Variants in ITGBL1 observed in about 807,000 individuals in gnomAD.
ITGBL1 encodes the protein integrin beta-like protein 1.
ITGBL1 carries 51 observed loss-of-function variants against 68.5 expected under a neutral mutation model. The observed-to-expected ratio is 0.74, with a 90% CI of 0.59 to 0.94. The LOEUF (loss-of-function observed/expected upper bound fraction) is 0.94. ITGBL1 is among the 40% of genes least tolerant of loss of function. The pLI is 0.00. For synonymous variants in ITGBL1, 209 were observed against 227.3 expected, an observed-to-expected ratio of 0.92 and a Z score of 0.72; for missense variants, 649 against 647.4, an observed-to-expected ratio of 1.00 and a Z score of -0.03.
chr13:101,641,831 C>T (rs868352469), intron 7 of ITGBL1, among the ~76,000 whole-genome samples: 124 of 148,346 alleles, frequency 8.4e-4, no homozygotes, highest in East Asian at 4.7e-3. Context: ...TTTGTTCTTG[C>T]GATAGTTTAC....
chr13:101,534,201 G>A (rs951510273), intron 2 of ITGBL1, among the ~76,000 whole-genome samples: 2 of 152,122 alleles, frequency 1.3e-5, no homozygotes, highest in African/African-American at 4.8e-5. Flanking sequence ...CAAAAGTTTG[G>A]AAGGGGAGAA....
chr13:101,473,120 A>G lies in ITGBL1; in HGVS notation c.316+19020A>G, dbSNP rs565581811. On this transcript the variant is annotated intron_variant, in intron 2 of 10. Coordinates refer to ENST00000376180, the MANE Select transcript of ITGBL1 (RefSeq NM_004791.3). ...CAAGATAGCCAACTAGAACCCTCCA[A>G]TGATCATCCACCCCACAGAAACACC... 3.5e-4 allele frequency among the ~76,000 whole-genome samples: 53 copies of G among 152,294 alleles called. No homozygotes were observed. The South Asian group carries it at 0.011, about 31-fold the overall frequency.
intron 7 of ITGBL1, among the ~76,000 whole-genome samples, chr13:101,619,609 G>A (rs1253206167): frequency 6.6e-6 from 1 of 152,142 alleles, no homozygotes; most frequent in Non-Finnish European, 1.5e-5. Context: ...CAATAAATGT[G>A]TATTGTTTTT....
At chr13:101,598,827 G>A (rs1042691385) in intron 7 of ITGBL1, among the ~76,000 whole-genome samples, 5 of 152,114 alleles carry the variant, frequency 3.3e-5, no homozygotes, top group Non-Finnish European at 5.9e-5. Context: ...CCTTAATCCA[G>A]TCTATCATTG....
chr13:101,696,799 T>G (rs898961946), intron 8 of ITGBL1, among the ~76,000 whole-genome samples: 5 of 152,194 alleles, frequency 3.3e-5, no homozygotes, highest in African/African-American at 1.2e-4. Context: ...CTCAATATTT[T>G]TATTTGAATA....
At chr13:101,660,465 A>G (rs1285186329) in intron 7 of ITGBL1, among the ~76,000 whole-genome samples, 2 of 152,196 alleles carry the variant, frequency 1.3e-5, no homozygotes, top group Non-Finnish European at 1.5e-5. Context: ...CTCAGGTTCT[A>G]CAATAGCAAT....
At chr13:101,550,658 T>C (rs141820412) in intron 2 of ITGBL1, among the ~76,000 whole-genome samples, 200 of 152,272 alleles carry the variant, frequency 1.3e-3, no homozygotes, top group African/African-American at 4.4e-3. Context: ...CTCCAAGATA[T>C]ATTGTAGGTG....
chr13:101,650,913 G>C (rs1008073410), intron 7 of ITGBL1, among the ~76,000 whole-genome samples: 18 of 152,088 alleles, frequency 1.2e-4, no homozygotes, highest in African/African-American at 3.6e-4. Flanking sequence ...TTGGTTTTCT[G>C]TTCCTGTGGT....
intron 2 of ITGBL1, among the ~76,000 whole-genome samples, chr13:101,563,578 A>G (rs1401932621): frequency 1.3e-5 from 2 of 151,862 alleles, no homozygotes; most frequent in Non-Finnish European, 2.9e-5. Context: ...TGAAAGACAC[A>G]ATCTGCCAAA....
At chr13:101,459,575 T>C (rs1179969039) in intron 2 of ITGBL1, among the ~76,000 whole-genome samples, 2 of 151,918 alleles carry the variant, frequency 1.3e-5, no homozygotes, top group African/African-American at 4.8e-5. Flanking sequence ...AAACTCTGTC[T>C]CTACAAAAGA....
intron 2 of ITGBL1, among the ~76,000 whole-genome samples, chr13:101,530,333 A>G (rs2049451884): frequency 6.6e-6 from 1 of 152,176 alleles, no homozygotes; most frequent in Non-Finnish European, 1.5e-5. Flanking sequence ...AAAATAATAT[A>G]CTATAGTGAT....
At chr13:101,623,969 C>T (rs189581667) in intron 7 of ITGBL1, among the ~76,000 whole-genome samples, 9 of 152,290 alleles carry the variant, frequency 5.9e-5, no homozygotes, top group African/African-American at 1.7e-4. Flanking sequence ...TTCCATTAGA[C>T]TGGCTAAACA....
intron 1 of ITGBL1, among the ~76,000 whole-genome samples, chr13:101,453,432 T>C (rs1210598077): frequency 6.6e-6 from 1 of 152,276 alleles, no homozygotes; most frequent in Non-Finnish European, 1.5e-5. Context: ...TTCTATAGAT[T>C]CACGTTTTCT....
intron 9 of ITGBL1, among the ~76,000 whole-genome samples, chr13:101,710,503 G>C (rs886878362): frequency 6.6e-6 from 1 of 151,982 alleles, no homozygotes; most frequent in Non-Finnish European, 1.5e-5. Context: ...ATAGACTAAG[G>C]GACTTTAACA....
intron 7 of ITGBL1, among the ~76,000 whole-genome samples, chr13:101,635,966 A>G (rs1301887963): frequency 6.6e-6 from 1 of 152,142 alleles, no homozygotes; most frequent in African/African-American, 2.4e-5. Flanking sequence ...TCTGTTTTAA[A>G]TGACTTAATT....
chr13:101,529,844 A>G (rs147735307), intron 2 of ITGBL1, among the ~76,000 whole-genome samples: 1,724 of 152,318 alleles, frequency 0.011, 25 homozygotes, highest in Non-Finnish European at 0.017. Context: ...ACTGTGAGTC[A>G]ATTAAACCTC....
At chr13:101,698,425 A>C (rs1276434286) in intron 8 of ITGBL1, among the ~76,000 whole-genome samples, 5 of 152,220 alleles carry the variant, frequency 3.3e-5, no homozygotes, top group African/African-American at 1.2e-4. Flanking sequence ...CTGAAGGTGA[A>C]TGTAACTAAT....
At chr13:101,493,721 CA>C (rs2048814861) in intron 2 of ITGBL1, among the ~76,000 whole-genome samples, 1 of 152,192 alleles carries the variant, frequency 6.6e-6, no homozygotes, top group Non-Finnish European at 1.5e-5. Flanking sequence ...GCCTGTAGAA[CA>C]TCTATCTCAT....
At chr13:101,692,723 G>T in intron 8 of ITGBL1, 22 bp downstream of exon 8, 1 of 1,458,778 alleles carries the variant, frequency 6.9e-7, no homozygotes, top group Non-Finnish European at 9.6e-7. Context: ...TCTCATAGCT[G>T]TATGCTACCT....
Sources: allele counts gnomAD v4.1 joint callset (sites outside exome capture counted in the v4.1 genomes callset), GRCh38; gene constraint gnomAD v4.1.1; transcripts MANE v1.5; gene names NCBI Gene and HGNC (gene_info 2026-07-23, HGNC 2026-07-21).